Variants in COL11A1 observed in about 807,000 individuals in gnomAD.
COL11A1 encodes the protein collagen type XI alpha 1 chain.
COL11A1 carries 74 observed loss-of-function variants against 265.2 expected under a neutral mutation model. That is an observed-to-expected ratio of 0.28 (90% confidence interval 0.23 to 0.34). The LOEUF (loss-of-function observed/expected upper bound fraction) is 0.34. Ranked by LOEUF, COL11A1 falls within the 10% of genes least tolerant of loss-of-function variation. COL11A1 has a pLI of 1.00. For missense variants in COL11A1, 2,165 were observed against 2,263.6 expected (o/e 0.96, Z 0.88); for synonymous variants, 816 against 727.6 (o/e 1.12, Z -1.96).
intron 31 of COL11A1, among the ~76,000 whole-genome samples, chr1:102,982,295 A>G (rs1339610438): frequency 6.6e-6 from 1 of 152,074 alleles, no homozygotes; most frequent in Non-Finnish European, 1.5e-5. Flanking sequence ...ACTTAGGGAA[A>G]AAACGGGATT....
intron 4 of COL11A1, among the ~76,000 whole-genome samples, chr1:103,064,485 C>G (rs1413166271): frequency 6.6e-6 from 1 of 151,768 alleles, no homozygotes; most frequent in Non-Finnish European, 1.5e-5. Flanking sequence ...GTCAGGAGAT[C>G]AAGACCATCG....
chr1:102,973,326 C>T (rs1029594855), intron 36 of COL11A1, among the ~76,000 whole-genome samples: 7 of 152,074 alleles, frequency 4.6e-5, no homozygotes, highest in African/African-American at 1.7e-4. Context: ...AAAATGCATG[C>T]ACGATCAATG....
In COL11A1 at chr1:102,883,201, C is replaced by T. The variant is rs780916396; in HGVS notation, c.4969G>A (p.Gly1657Arg). 1 of 1,601,494 alleles carries T rather than the reference C, an allele frequency of 6.2e-7. No individual in the cohort carries two copies. The highest frequency in any genetic ancestry group is 8.6e-7 in the Non-Finnish European group (1 of 1,168,784). ...CACCAAAACAGATTGGTACTTACTCCCTCAGATTTTTTGTCTGGATAAATG... is the reference window on the plus strand; with the variant it reads ...CACCAAAACAGATTGGTACTTACTCTCTCAGATTTTTTGTCTGGATAAATG... ...TCIYPDKKSE[G>R]VRISSWPKEK... The change falls in exon 64 of 67, where the codon GGA (glycine) becomes AGA (arginine). Residue 1657 changes from glycine to arginine, a missense_variant and splice_region_variant. Gly to Arg is a moderately radical substitution (Grantham distance 125). Coordinates refer to ENST00000370096, the MANE Select transcript of COL11A1 (RefSeq NM_001854.4).
chr1:103,021,846 T>C (rs947954122), intron 8 of COL11A1, 77 bp from the exon 9 acceptor site: 21 of 1,144,582 alleles, frequency 1.8e-5, no homozygotes, highest in Admixed American at 1.4e-4. Flanking sequence ...TTCTTTTTTT[T>C]TTTCTTTCTT....
intron 65 of COL11A1, among the ~76,000 whole-genome samples, chr1:102,880,551 ATACT>A (rs890799701): frequency 6.6e-6 from 1 of 152,206 alleles, no homozygotes; most frequent in African/African-American, 2.4e-5. Context: ...TGTTGAGTCA[ATACT>A]TATTCTGAAA....
intron 4 of COL11A1, among the ~76,000 whole-genome samples, chr1:103,036,385 A>T (rs1201451486): frequency 1.4e-5 from 2 of 146,970 alleles, no homozygotes; most frequent in Non-Finnish European, 3.0e-5. Flanking sequence ...ATTATATATA[A>T]TATAAATATA....
At chr1:102,946,347 G>A (rs1659270038) in intron 42 of COL11A1, among the ~76,000 whole-genome samples, 1 of 151,644 alleles carries the variant, frequency 6.6e-6, no homozygotes, top group Non-Finnish European at 1.5e-5. Context: ...CCCAAAAAAT[G>A]TTAAAATCCA....
chr1:102,978,617 G>T, intron 35 of COL11A1, 91 bp downstream of exon 35: 1 of 1,343,462 alleles, frequency 7.4e-7, no homozygotes, highest in Non-Finnish European at 1.1e-6. Context: ...ACATGCACAT[G>T]TATTAGCAGA....
chr1:102,934,611 G>A (rs1485457466), intron 45 of COL11A1, 55 bp from the exon 46 acceptor site: 109 of 1,374,624 alleles, frequency 7.9e-5, no homozygotes, highest in Non-Finnish European at 1.1e-4. Context: ...TACGATATGA[G>A]TCATTAAAAA....
chr1:102,927,354 G>A (rs2101115040), intron 46 of COL11A1, among the ~76,000 whole-genome samples: 1 of 152,164 alleles, frequency 6.6e-6, no homozygotes, highest in Admixed American at 6.5e-5. Flanking sequence ...ATAAGCAAGT[G>A]GAAGAAAAAA....
intron 22 of COL11A1, 105 bp downstream of exon 22, chr1:103,002,642 T>C (rs1665219463): frequency 1.7e-6 from 2 of 1,187,832 alleles, no homozygotes; most frequent in African/African-American, 1.5e-5. Flanking sequence ...TCTAATATAC[T>C]TAGCAAAATG....
At chr1:102,993,135 C>T (rs1664300548) in intron 28 of COL11A1, among the ~76,000 whole-genome samples, 1 of 152,116 alleles carries the variant, frequency 6.6e-6, no homozygotes, top group South Asian at 2.1e-4. Context: ...TCTAAAAATC[C>T]TTGATGGATA....
At chr1:103,000,931 A>G (rs1665044170) in intron 24 of COL11A1, 3 of 374,186 alleles carry the variant, frequency 8.0e-6, no homozygotes, top group African/African-American at 6.2e-5. Flanking sequence ...CAAAATAAGG[A>G]GCAAAGTACT....
intron 9 of COL11A1, among the ~76,000 whole-genome samples, chr1:103,020,305 A>C: frequency 1.5e-5 from 2 of 133,068 alleles, no homozygotes; most frequent in Non-Finnish European, 3.2e-5. Flanking sequence ...ATGGTATCTC[A>C]TTGTGGTTTT....
In COL11A1 at chr1:103,056,127, C is replaced by A. The variant is rs975482890; in HGVS notation, c.651+18491G>T. On this transcript the variant is annotated intron_variant, in intron 4 of 66. Coordinates refer to ENST00000370096, the MANE Select transcript of COL11A1 (RefSeq NM_001854.4). ...CCAAGGGTGGAATCCAGTAGCTGAG[C>A]AGAACAACTGTTGTCTGCCTAAAAC... is the stretch of plus-strand genomic sequence containing the variant. Among the ~76,000 whole-genome samples the A allele has an allele frequency of 2.0e-5, 3 of 152,054 alleles. 1 individual carries two copies. In the South Asian group the frequency reaches 6.2e-4, roughly 32 times the overall value.
chr1:102,881,184 T>G (rs1044125401), intron 65 of COL11A1, among the ~76,000 whole-genome samples: 1 of 152,092 alleles, frequency 6.6e-6, no homozygotes, highest in Non-Finnish European at 1.5e-5. Context: ...AAAGATTAAT[T>G]TAATTTTGAC....
At chr1:102,959,009 C>T (rs998872835) in intron 41 of COL11A1, among the ~76,000 whole-genome samples, 3 of 152,178 alleles carry the variant, frequency 2.0e-5, no homozygotes, top group Non-Finnish European at 4.4e-5. Flanking sequence ...ACCTCGCCCC[C>T]TCCGTGTTTG....
At chr1:102,944,851 T>G (rs1274456606) in intron 42 of COL11A1, among the ~76,000 whole-genome samples, 1 of 152,180 alleles carries the variant, frequency 6.6e-6, no homozygotes, top group Non-Finnish European at 1.5e-5. Context: ...GTGCAAAATA[T>G]GTGTTCCCTA....
chr1:102,959,886 GTCAC>G (rs1358526912), intron 41 of COL11A1, among the ~76,000 whole-genome samples: 1 of 152,084 alleles, frequency 6.6e-6, no homozygotes, highest in African/African-American at 2.4e-5. Flanking sequence ...AATCCTTATA[GTCAC>G]AGCTCAGATG....
Sources: allele counts gnomAD v4.1 joint callset (sites outside exome capture counted in the v4.1 genomes callset), GRCh38; gene constraint gnomAD v4.1.1; transcripts MANE v1.5; gene names NCBI Gene and HGNC (gene_info 2026-07-23, HGNC 2026-07-21).